The following FBRSL1 variants were observed in gnomAD, a reference collection of about 807,000 sequenced individuals.
FBRSL1 encodes fibrosin-1-like protein.
Under a neutral mutation model 89.6 loss-of-function variants are expected in FBRSL1, and 51 were observed. The observed-to-expected ratio is 0.57, with a 90% confidence interval of 0.45 to 0.72. The LOEUF (loss-of-function observed/expected upper bound fraction) is 0.72. FBRSL1 is among the 30% of genes least tolerant of loss of function. The pLI is 0.00. For synonymous variants in FBRSL1, 779 were observed against 681.1 expected (o/e 1.14, Z -2.24); for missense variants, 1,618 against 1,451.8 (o/e 1.11, Z -1.86).
rs1172978659 is a variant in FBRSL1 at position 132,546,925 on chromosome 12, T to C, written c.616-1078T>C. 6.6e-6 allele frequency among the ~76,000 whole-genome samples: 1 copy of C among 152,204 alleles called. No individual in the cohort carries two copies. The highest frequency in any genetic ancestry group is 1.5e-5 in the Non-Finnish European group (1 of 68,016). On this transcript the variant is annotated intron_variant, in intron 4 of 18. Transcript: ENST00000680143. The surrounding 1 kb of genome is among the most constrained non-coding windows in gnomAD (Gnocchi z 4.0). ...ACATGGAGGGTGGCTGTGCGTTTGG[T>C]TCCCTGCATTAACCCAGTGGGCTCC... is the stretch of plus-strand genomic sequence containing the variant.
intron 14 of FBRSL1, among the ~76,000 whole-genome samples, chr12:132,576,434 C>G (rs940931100): frequency 4.6e-5 from 7 of 152,126 alleles, no homozygotes; most frequent in African/African-American, 1.7e-4. Flanking sequence ...CTCAGGTGAT[C>G]CGCCCGTATC....
At chr12:132,510,622 G>T (rs114447470) in intron 2 of FBRSL1, 1 of 1,229,564 alleles carries the variant, frequency 8.1e-7, no homozygotes, top group Non-Finnish European at 1.0e-6. Flanking sequence ...ATTGAGGCTC[G>T]GCCAGAGGCG....
Position 132,584,065 on chromosome 12 carries a change from A to T in FBRSL1, c.*287A>T, listed in dbSNP as rs764216104. ...TTTTTCTTAATTTTATGCTCTTTAG[A>T]CGTTTAAAAGAACCAAAAAAGAAAC... On this transcript the variant is annotated 3_prime_UTR_variant, in exon 19 of 19. Transcript: ENST00000680143. 4.7e-5 allele frequency: 8 copies of T among 171,714 alleles called. No homozygotes were observed. Among genetic ancestry groups the T allele is most frequent in the Non-Finnish European group, 3.7e-5 (3 of 81,094 alleles). 10.6% of individuals were successfully genotyped at this position (171,714 alleles called of 1,614,324 possible).
At chr12:132,511,982 G>A in intron 2 of FBRSL1, 3 of 985,500 alleles carry the variant, frequency 3.0e-6, no homozygotes, top group Non-Finnish European at 3.6e-6. Context: ...AAACAGACGA[G>A]CATGTGTCTT....
chr12:132,561,143 G>C (rs2039089807), intron 5 of FBRSL1, among the ~76,000 whole-genome samples: 1 of 152,222 alleles, frequency 6.6e-6, no homozygotes, highest in Non-Finnish European at 1.5e-5. Flanking sequence ...CTCACTGTGA[G>C]GTGGAGGCCA....
intron 5 of FBRSL1, chr12:132,554,446 G>A (rs1462971215): frequency 6.6e-6 from 1 of 152,240 alleles, no homozygotes; most frequent in African/African-American, 2.4e-5. Flanking sequence ...TGTTTCATGA[G>A]GTGGGTTTTG....
At chr12:132,576,039 C>T (rs920391560) in intron 14 of FBRSL1, among the ~76,000 whole-genome samples, 4 of 152,144 alleles carry the variant, frequency 2.6e-5, no homozygotes, top group Non-Finnish European at 4.4e-5. Flanking sequence ...GCAGCGTGGG[C>T]ACCTGAAGTG....
At chr12:132,502,709 T>A (rs1249217320) in intron 1 of FBRSL1, among the ~76,000 whole-genome samples, 1 of 114,202 alleles carries the variant, frequency 8.8e-6, no homozygotes, top group African/African-American at 3.5e-5. Context: ...CCCACCTCCC[T>A]GCTTCAGGCC....
chr12:132,530,926 G>C (rs757043418), intron 4 of FBRSL1, among the ~76,000 whole-genome samples: 9 of 151,206 alleles, frequency 6.0e-5, no homozygotes, highest in Non-Finnish European at 1.2e-4. Context: ...GTGTGCACCC[G>C]GGGCCTTGGT....
In FBRSL1 at chr12:132,525,827, A is replaced by C; in HGVS notation, c.579+4A>C. 6.5e-7 allele frequency: 1 copy of C among 1,544,370 alleles called. No individual in the cohort carries two copies. Among genetic ancestry groups the C allele is most frequent in the Non-Finnish European group, 8.8e-7 (1 of 1,141,978 alleles). On this transcript the variant is annotated splice_donor_region_variant and intron_variant, in intron 3 of 18. Coordinates refer to ENST00000680143, the MANE Select transcript of FBRSL1 (RefSeq NM_001367871.1). Reference sequence around the variant, plus strand: ...CTCCCGGGACCCGCTCAGCGATGTGAGTACCCAGCTGCCCGCGCCCGGAGG... The same window carrying C: ...CTCCCGGGACCCGCTCAGCGATGTGCGTACCCAGCTGCCCGCGCCCGGAGG...
chr12:132,546,546 G>A lies in FBRSL1; in HGVS notation c.616-1457G>A, dbSNP rs1266150365. ...GGAGAGGGCTTGGCCACGGCTGAAA[G>A]GCCAGACCGGGGGGACCCTAGGAGA... On this transcript the variant is annotated intron_variant, in intron 4 of 18. Coordinates refer to ENST00000680143, the MANE Select transcript of FBRSL1 (RefSeq NM_001367871.1). The surrounding 1 kb of genome is among the most constrained non-coding windows in gnomAD (Gnocchi z 4.0). Among the ~76,000 whole-genome samples, 1 of 151,934 alleles carries A rather than the reference G, an allele frequency of 6.6e-6. No individual in the cohort carries two copies. Among genetic ancestry groups the A allele is most frequent in the Non-Finnish European group, 1.5e-5 (1 of 67,874 alleles).
intron 5 of FBRSL1, among the ~76,000 whole-genome samples, chr12:132,557,851 A>G (rs1474318180): frequency 2.6e-5 from 4 of 152,146 alleles, no homozygotes; most frequent in African/African-American, 9.7e-5. Flanking sequence ...CCCTGTACCC[A>G]GAGAAGGAGC....
chr12:132,579,933 C>G (rs2040629191), intron 15 of FBRSL1, among the ~76,000 whole-genome samples: 1 of 152,228 alleles, frequency 6.6e-6, no homozygotes, highest in African/African-American at 2.4e-5. Flanking sequence ...GCGAGTGTTT[C>G]CAGTAAGTTG....
At chr12:132,568,017 C>T (rs750960380) in intron 6 of FBRSL1, among the ~76,000 whole-genome samples, 23 of 152,200 alleles carry the variant, frequency 1.5e-4, no homozygotes, top group Non-Finnish European at 2.5e-4. Context: ...AGGGTGTCTA[C>T]AGGCCAGCAA....
chr12:132,531,550 C>CGTGTGT (rs35736267), intron 4 of FBRSL1, among the ~76,000 whole-genome samples: 3 of 150,446 alleles, frequency 2.0e-5, no homozygotes, highest in Non-Finnish European at 3.0e-5. Flanking sequence ...TCTGTGTGTG[C>CGTGTGT]GTGTGTGTGT....
In FBRSL1 at chr12:132,583,741, C is replaced by T; in HGVS notation, c.2972C>T (p.Ser991Phe). 2.5e-6 allele frequency: 3 copies of T among 1,217,126 alleles called. No individual in the cohort carries two copies. Among genetic ancestry groups the T allele is most frequent in the Non-Finnish European group, 3.1e-6 (3 of 978,506 alleles). The allele number at this position is 1,217,126 out of a possible 1,614,324, so 75.4% of individuals were successfully genotyped here. A position where few individuals can be genotyped will look rare whatever the true frequency, so the allele number is the denominator to read the frequency against. The part of the protein sequence containing the change: ...GLGPGEARDY[S>F]PSRNPPEVEA... ...GGGCCGGGCGAGGCGCGCGACTACT[C>T]CCCGTCCCGAAATCCCCCGGAGGTG... Residue 991 changes from serine to phenylalanine, a missense_variant, in exon 19 of 19, where the codon TCC (serine) becomes TTC (phenylalanine). Transcript: ENST00000680143.
intron 6 of FBRSL1, among the ~76,000 whole-genome samples, chr12:132,568,969 G>A (rs902849644): frequency 2.0e-5 from 3 of 152,062 alleles, no homozygotes; most frequent in Non-Finnish European, 2.9e-5. Flanking sequence ...TGTCCCCATG[G>A]GCCATGGCTC....
In FBRSL1 at chr12:132,583,703, G is replaced by T; in HGVS notation, c.2934G>T (p.Pro978=). 8.4e-7 allele frequency: 1 copy of T among 1,191,014 alleles called. No individual in the cohort carries two copies. 73.8% of individuals were successfully genotyped at this position (1,191,014 alleles called of 1,614,324 possible). The change falls in exon 19 of 19, where the codon CCG becomes CCT. Residue 978 remains proline (P), a synonymous_variant. Transcript: ENST00000680143. ...GGCCGCCGCGGAGCCGGACTACTCC[G>T]CTGGGGGGCCTCGGGCCGGGCGAGG... ...PPGPPRSRTT[P]LGGLGPGEAR... is the part of the protein sequence containing the mutation.
chr12:132,568,393 T>C (rs2039778640), intron 6 of FBRSL1, among the ~76,000 whole-genome samples: 1 of 152,278 alleles, frequency 6.6e-6, no homozygotes, highest in Non-Finnish European at 1.5e-5. Flanking sequence ...TGGAAGCCTG[T>C]TCACATCAGA....
Sources: allele counts gnomAD v4.1 joint callset (sites outside exome capture counted in the v4.1 genomes callset), GRCh38; gene constraint gnomAD v4.1.1; non-coding constraint Gnocchi (gnomAD v3.1); transcripts MANE v1.5; gene names NCBI Gene and HGNC (gene_info 2026-07-23, HGNC 2026-07-21).